The following STXBP3 variants were observed in gnomAD, a reference collection of about 807,000 sequenced individuals.
The protein encoded by STXBP3 is syntaxin binding protein 3, also known as syntaxin-binding protein 3.
Under a neutral mutation model 85.7 loss-of-function variants are expected in STXBP3, and 41 were observed. The ratio of observed to expected loss-of-function variants is 0.48; its 90% CI spans 0.37 to 0.62. The LOEUF (loss-of-function observed/expected upper bound fraction) is 0.62, where lower values mean the gene tolerates loss of function less well. Ranked by LOEUF, STXBP3 falls within the 20% of genes least tolerant of loss-of-function variation. STXBP3 has a pLI of 0.00. For synonymous variants in STXBP3, 229 were observed against 231.7 expected (o/e 0.99, Z 0.10); for missense variants, 563 against 703.1 (o/e 0.80, Z 2.25).
At chr1:108,785,560 T>C (rs1381393884) in intron 11 of STXBP3, among the ~76,000 whole-genome samples, 1 of 125,068 alleles carries the variant, frequency 8.0e-6, no homozygotes, top group African/African-American at 2.9e-5. Flanking sequence ...CCTGGAGACA[T>C]TTTCCCCGTT....
chr1:108,769,869 A>G (rs185920990), intron 6 of STXBP3, among the ~76,000 whole-genome samples: 37 of 152,298 alleles, frequency 2.4e-4, no homozygotes, highest in African/African-American at 7.0e-4. Flanking sequence ...GCTTTGCTCT[A>G]CATCCTCTAC....
intron 6 of STXBP3, among the ~76,000 whole-genome samples, chr1:108,770,294 T>TA (rs1355701386): frequency 6.6e-6 from 1 of 152,014 alleles, no homozygotes; most frequent in Non-Finnish European, 1.5e-5. Context: ...GTCCCCATCT[T>TA]AAAAAACAAA....
At chr1:108,758,427 A>T in intron 4 of STXBP3, 83 bp from the exon 5 acceptor site, 2 of 697,518 alleles carry the variant, frequency 2.9e-6, no homozygotes, top group Non-Finnish European at 2.2e-6. Flanking sequence ...TCACTGAAAT[A>T]AAATAATCTT....
chr1:108,757,477 A>G lies in STXBP3; in HGVS notation c.258+711A>G, dbSNP rs1662045835. ...TGCTAGTGGGTTTTAATGACATTTTATATCTTATCTGTAATATAATTCCAT... is the reference window on the plus strand; with the variant it reads ...TGCTAGTGGGTTTTAATGACATTTTGTATCTTATCTGTAATATAATTCCAT... On this transcript the variant is annotated intron_variant, in intron 4 of 18. Transcript: ENST00000370008. 2.0e-5 allele frequency among the ~76,000 whole-genome samples: 3 copies of G among 152,054 alleles called. No homozygotes were observed. In the South Asian group the frequency reaches 6.2e-4, roughly 31 times the overall value.
rs551012231 is a variant in STXBP3, at chr1:108,754,312, A to G, written c.181+1168A>G. On this transcript the variant is annotated intron_variant, in intron 3 of 18. Transcript: ENST00000370008. ...TGGCCTCCCAAAGTGCTGGGATTAC[A>G]GGTGTAAGCCACCATGCCCAGCCAT... Among the ~76,000 whole-genome samples, 22 of 152,330 alleles carry G rather than the reference A, an allele frequency of 1.4e-4. No individual in the cohort carries two copies. In the South Asian group the frequency reaches 4.6e-3, roughly 32 times the overall value.
At chr1:108,770,056 A>G (rs1628652) in intron 6 of STXBP3, among the ~76,000 whole-genome samples, 107,132 of 152,036 alleles carry the variant, frequency 0.7, 38,749 homozygotes, top group Non-Finnish European at 0.77. Flanking sequence ...TTAGGAGGCC[A>G]AGGCGGAAGG....
At chr1:108,777,450 C>G (rs1054688295) in intron 8 of STXBP3, among the ~76,000 whole-genome samples, 2 of 151,996 alleles carry the variant, frequency 1.3e-5, no homozygotes, top group Non-Finnish European at 2.9e-5. Flanking sequence ...AAGATATAAA[C>G]TTAGATGTTA....
intron 17 of STXBP3, among the ~76,000 whole-genome samples, chr1:108,803,198 TCAA>T (rs1372554818): frequency 6.6e-6 from 1 of 152,224 alleles, no homozygotes; most frequent in East Asian, 1.9e-4. Flanking sequence ...CATATTTGAC[TCAA>T]CAAAGTCGAA....
intron 1 of STXBP3, among the ~76,000 whole-genome samples, chr1:108,749,912 A>G (rs1427778095): frequency 2.0e-5 from 3 of 152,162 alleles, no homozygotes; most frequent in African/African-American, 7.2e-5. Context: ...AATATATTAT[A>G]TTTGACCTAA....
intron 6 of STXBP3, among the ~76,000 whole-genome samples, chr1:108,767,846 C>G (rs1326570219): frequency 2.6e-5 from 4 of 152,060 alleles, no homozygotes; most frequent in African/African-American, 9.7e-5. Flanking sequence ...CTCAGCCTCC[C>G]AAAGTGCTGG....
intron 6 of STXBP3, among the ~76,000 whole-genome samples, chr1:108,764,674 T>G (rs890270950): frequency 1.3e-5 from 2 of 152,260 alleles, no homozygotes; most frequent in African/African-American, 4.8e-5. Context: ...TTCATATGCT[T>G]GTGGGTCACC....
chr1:108,785,323 A>G (rs922004543), intron 11 of STXBP3, among the ~76,000 whole-genome samples: 5 of 152,286 alleles, frequency 3.3e-5, no homozygotes, highest in Middle Eastern at 6.8e-3. Context: ...CTTGACTTCT[A>G]TGCACCCTGT....
chr1:108,770,446 A>G (rs1009155879), intron 6 of STXBP3, among the ~76,000 whole-genome samples: 3 of 152,048 alleles, frequency 2.0e-5, no homozygotes, highest in African/African-American at 7.3e-5. Context: ...TGAGGAAGCC[A>G]CAGTTCAAGT....
chr1:108,778,238 G>C (rs1662630107), intron 8 of STXBP3, among the ~76,000 whole-genome samples: 1 of 152,072 alleles, frequency 6.6e-6, no homozygotes, highest in South Asian at 2.1e-4. Context: ...TTTGTATAAT[G>C]ATCTGTAGTT....
In STXBP3 at chr1:108,752,326, C is replaced by T; in HGVS notation, c.99+20C>T. On this transcript the variant is annotated intron_variant, in intron 2 of 18. Coordinates refer to ENST00000370008, the MANE Select transcript of STXBP3 (RefSeq NM_007269.4). ...TGGAAGGTAGAGTTTGCATACCTTG[C>T]TCTTATAAAAAATAATACAAACTTT... 6.2e-6 allele frequency: 10 copies of T among 1,607,798 alleles called. No homozygotes were observed. The highest frequency in any genetic ancestry group is 8.5e-6 in the Non-Finnish European group (10 of 1,176,248).
rs1467837104 is a variant in STXBP3 at position 108,809,290 on chromosome 1, A to T, written c.*413A>T. ...TGTAAAAGTAAAAAACTGTAAATGT[A>T]TATGTATGATAGAATTGTTTCCTCT... On this transcript the variant is annotated 3_prime_UTR_variant, in exon 19 of 19. Transcript: ENST00000370008. 6.4e-6 allele frequency: 1 copy of T among 155,370 alleles called. No individual in the cohort carries two copies. The highest frequency in any genetic ancestry group is 1.4e-5 in the Non-Finnish European group (1 of 70,152). 9.6% of individuals were successfully genotyped at this position (155,370 alleles called of 1,614,324 possible).
intron 6 of STXBP3, chr1:108,766,740 T>C: frequency 5.8e-6 from 1 of 171,754 alleles, no homozygotes; most frequent in Non-Finnish European, 1.2e-5. Flanking sequence ...GTAAAATTAT[T>C]CTTAGAACTG....
chr1:108,782,767 ATCTT>A (rs1482129484), intron 11 of STXBP3, 61 bp downstream of exon 11: 3 of 1,443,722 alleles, frequency 2.1e-6, no homozygotes, highest in Non-Finnish European at 2.8e-6. Flanking sequence ...TTTGTTTAAA[ATCTT>A]TATTTTATTT....
intron 6 of STXBP3, among the ~76,000 whole-genome samples, chr1:108,762,779 T>C (rs563181994): frequency 6.6e-6 from 1 of 152,346 alleles, no homozygotes; most frequent in South Asian, 2.1e-4. Context: ...GTATAATGAA[T>C]GTGACACTGC....
Sources: gnomAD v4.1 joint callset for allele counts (sites outside exome capture counted in the v4.1 genomes callset) on GRCh38, gnomAD v4.1.1 for gene constraint, MANE v1.5 for transcripts, NCBI Gene and HGNC (gene_info 2026-07-23, HGNC 2026-07-21) for gene names.